The following PBX1 variants were observed in gnomAD, a reference collection of about 807,000 sequenced individuals.
PBX1 encodes the protein pre-B-cell leukemia transcription factor 1.
Under a neutral mutation model 53.4 loss-of-function variants are expected in PBX1, and 6 were observed. That is an observed-to-expected ratio of 0.11 (90% CI 0.06 to 0.22). PBX1 has a LOEUF of 0.22. Among genes scored for constraint, PBX1 ranks in the 10% least tolerant of loss-of-function variants. The pLI is 1.00. For synonymous variants in PBX1, 204 were observed against 212.3 expected (o/e 0.96, Z 0.34); for missense variants, 251 against 551.4 (o/e 0.46, Z 5.46).
chr1:164,848,641 A>G lies in PBX1; in HGVS notation c.*1965A>G. ...TAGGATAAAGAAAAACTTCCAAACT[A>G]GAAAAACAGGCCCTGGTTCCCTTAG... is the stretch of plus-strand genomic sequence containing the variant. On this transcript the variant is annotated 3_prime_UTR_variant, in exon 9 of 9. Coordinates refer to ENST00000420696, the MANE Select transcript of PBX1 (RefSeq NM_002585.4). 9.5e-6 allele frequency: 10 copies of G among 1,056,308 alleles called. No individual in the cohort carries two copies. The highest frequency in any genetic ancestry group is 1.1e-5 in the Non-Finnish European group (10 of 873,718). 65.4% of individuals were successfully genotyped at this position (1,056,308 alleles called of 1,614,324 possible). A position where few individuals can be genotyped will look rare whatever the true frequency, so the allele number is the denominator to read the frequency against.
At chr1:164,598,922 C>G (rs1655955847) in intron 2 of PBX1, among the ~76,000 whole-genome samples, 1 of 152,074 alleles carries the variant, frequency 6.6e-6, no homozygotes, top group Non-Finnish European at 1.5e-5. Context: ...CTCAGTTGCC[C>G]CAGGTTATTC....
intron 2 of PBX1, among the ~76,000 whole-genome samples, chr1:164,640,619 C>T (rs1284848151): frequency 6.8e-6 from 1 of 146,536 alleles, no homozygotes; most frequent in African/African-American, 2.5e-5. Context: ...TGCAGTGGCA[C>T]GATCTCAGCT....
intron 2 of PBX1, among the ~76,000 whole-genome samples, chr1:164,776,978 A>AGATGGGAGGTGTGGG (rs1553244687): frequency 2.2e-5 from 1 of 46,444 alleles, no homozygotes; most frequent in Non-Finnish European, 3.5e-5. Context: ...AGAGAGAGAG[A>AGATGGGAGGTGTGGG]GGAGGTGTGG....
chr1:164,881,588 G>A (rs1422279499), intron 2 of PBX1, among the ~76,000 whole-genome samples: 1 of 32,132 alleles, frequency 3.1e-5, no homozygotes, highest in Admixed American at 2.2e-4. Context: ...AGGAAGGAAG[G>A]GAGGAAGGAA....
Position 164,819,948 on chromosome 1 carries a change from A to T in PBX1, c.998-124A>T, listed in dbSNP as rs1670069661. On this transcript the variant is annotated intron_variant, in intron 6 of 8. Transcript: ENST00000420696. ...CTACTAACCAGACTCTGTTGATGTT[A>T]TTTTTATTTTAGTTTTTATTTGGGG... 19 of 629,346 alleles carry T rather than the reference A, an allele frequency of 3.0e-5. No individual in the cohort carries two copies. In the South Asian group the frequency reaches 3.8e-4, roughly 13 times the overall value. 39.0% of individuals were successfully genotyped at this position (629,346 alleles called of 1,614,324 possible).
intron 2 of PBX1, among the ~76,000 whole-genome samples, chr1:164,710,237 T>G (rs149333827): frequency 1.3e-3 from 201 of 152,290 alleles, no homozygotes; most frequent in African/African-American, 4.7e-3. Context: ...GCATCACACA[T>G]CAGAGGGAAT....
intron 5 of PBX1, among the ~76,000 whole-genome samples, chr1:164,810,533 A>G (rs1386515921): frequency 6.6e-6 from 1 of 152,080 alleles, no homozygotes; most frequent in African/African-American, 2.4e-5. Flanking sequence ...GTCCTCTGAA[A>G]TTATCTTCAT....
At chr1:164,805,142 G>A (rs1301319271) in intron 4 of PBX1, among the ~76,000 whole-genome samples, 1 of 152,138 alleles carries the variant, frequency 6.6e-6, no homozygotes, top group African/African-American at 2.4e-5. Context: ...TATTTATCCA[G>A]TAATATTTTA....
chr1:164,784,421 G>A (rs1668076616), intron 2 of PBX1, among the ~76,000 whole-genome samples: 1 of 152,204 alleles, frequency 6.6e-6, no homozygotes, highest in Admixed American at 6.5e-5. Context: ...AGTGGGGAAC[G>A]TGTGAATGGG....
chr1:164,571,873 GTA>G (rs59338120), intron 2 of PBX1, among the ~76,000 whole-genome samples: 4,053 of 29,780 alleles, frequency 0.14, 277 homozygotes, highest in Non-Finnish European at 0.17. Context: ...TCTGTACATT[GTA>G]TATATATATA....
chr1:164,848,507 G>A lies in PBX1; in HGVS notation c.*1831G>A, dbSNP rs1275421805. On this transcript the variant is annotated 3_prime_UTR_variant, in exon 9 of 9. Transcript: ENST00000420696. ...TTCATGCCATCTAGGGACAATAAATGGTTTTCTTGTTGTAACTTCTGGTTA... is the reference window on the plus strand; with the variant it reads ...TTCATGCCATCTAGGGACAATAAATAGTTTTCTTGTTGTAACTTCTGGTTA... The A allele has an allele frequency of 9.4e-7, 1 of 1,058,654 alleles. No individual in the cohort carries two copies. Among genetic ancestry groups the A allele is most frequent in the Admixed American group, 5.4e-5 (1 of 18,478 alleles). The allele number at this position is 1,058,654 out of a possible 1,614,324, so 65.6% of individuals were successfully genotyped here.
intron 2 of PBX1, among the ~76,000 whole-genome samples, chr1:164,709,977 C>T (rs1196421682): frequency 6.6e-6 from 1 of 152,162 alleles, no homozygotes; most frequent in Non-Finnish European, 1.5e-5. Flanking sequence ...AAGGGTGCTC[C>T]CTGGGTGTGA....
chr1:164,568,378 G>A (rs1222992144), intron 2 of PBX1, among the ~76,000 whole-genome samples: 1 of 151,972 alleles, frequency 6.6e-6, no homozygotes, highest in African/African-American at 2.4e-5. Flanking sequence ...TAGAGACAGT[G>A]TCCTAGGTCC....
intron 2 of PBX1, among the ~76,000 whole-genome samples, chr1:164,679,802 A>G (rs551461295): frequency 6.6e-6 from 1 of 152,336 alleles, no homozygotes; most frequent in African/African-American, 2.4e-5. Context: ...TTTGATCTTT[A>G]TAACTACCCT....
intron 5 of PBX1, among the ~76,000 whole-genome samples, chr1:164,810,858 A>AT (rs978566416): frequency 6.6e-5 from 10 of 151,512 alleles, no homozygotes; most frequent in South Asian, 4.2e-4. Context: ...GTACAGACTG[A>AT]TTTTTTTTTA....
intron 2 of PBX1, among the ~76,000 whole-genome samples, chr1:164,602,445 T>G (rs1218666027): frequency 6.6e-6 from 1 of 152,330 alleles, no homozygotes; most frequent in East Asian, 1.9e-4. Context: ...TTTAATTTTT[T>G]AAAATGTTCT....
chr1:164,598,240 T>C (rs988175829), intron 2 of PBX1, among the ~76,000 whole-genome samples: 46 of 152,228 alleles, frequency 3.0e-4, no homozygotes, highest in African/African-American at 1.1e-3. Context: ...ATTCAAACCA[T>C]AGCCAGTTTG....
At chr1:164,708,095 T>A (rs918482686) in intron 2 of PBX1, among the ~76,000 whole-genome samples, 3 of 152,092 alleles carry the variant, frequency 2.0e-5, no homozygotes, top group Admixed American at 2.0e-4. Flanking sequence ...AACCTGCAAG[T>A]CAGTTAGGTG....
intron 2 of PBX1, among the ~76,000 whole-genome samples, chr1:164,765,954 T>C (rs1405695024): frequency 6.6e-6 from 1 of 152,202 alleles, no homozygotes; most frequent in African/African-American, 2.4e-5. Flanking sequence ...TTTATGAACA[T>C]GTACCATGCC....
Sources: gnomAD v4.1 joint callset for allele counts (sites outside exome capture counted in the v4.1 genomes callset) on GRCh38, gnomAD v4.1.1 for gene constraint, MANE v1.5 for transcripts, NCBI Gene and HGNC (gene_info 2026-07-23, HGNC 2026-07-21) for gene names.